The following PCDHA7 variants were observed in gnomAD, a reference collection of about 807,000 sequenced individuals.
The protein encoded by PCDHA7 is protocadherin alpha-7.
PCDHA7 carries 37 observed loss-of-function variants against 57.2 expected under a neutral mutation model. That is an observed-to-expected ratio of 0.65 (90% CI 0.50 to 0.85). The LOEUF is 0.85. Among genes scored for constraint, PCDHA7 ranks in the 40% least tolerant of loss-of-function variants. The pLI is 0.00. For missense variants in PCDHA7, 1,188 were observed against 1,241.8 expected (o/e 0.96, Z 0.65); for synonymous variants, 553 against 558.8 (o/e 0.99, Z 0.15).
intron 1 of PCDHA7, among the ~76,000 whole-genome samples, chr5:140,873,904 G>A (rs936002886): frequency 6.6e-6 from 1 of 152,074 alleles, no homozygotes; most frequent in African/African-American, 2.4e-5. Flanking sequence ...CAGGTGATCT[G>A]CCTGCCTCAG....
intron 1 of PCDHA7, among the ~76,000 whole-genome samples, chr5:140,919,522 C>CT (rs1554199133): frequency 6.6e-6 from 1 of 152,000 alleles, no homozygotes; most frequent in African/African-American, 2.4e-5. Context: ...TTTTAATTCT[C>CT]TTTTTTTCCT....
intron 1 of PCDHA7, chr5:140,864,013 A>T: frequency 6.5e-6 from 1 of 153,164 alleles, no homozygotes; most frequent in South Asian, 2.1e-4. Flanking sequence ...AAAAAAAAGT[A>T]CATTGGAAGT....
intron 3 of PCDHA7, among the ~76,000 whole-genome samples, chr5:140,997,598 TG>T (rs1182118908): frequency 6.6e-5 from 10 of 152,124 alleles, no homozygotes; most frequent in Admixed American, 2.0e-4. Context: ...AACATGATTA[TG>T]GGGCGCATGA....
At chr5:140,887,442 T>C (rs2061450115) in intron 1 of PCDHA7, among the ~76,000 whole-genome samples, 1 of 152,180 alleles carries the variant, frequency 6.6e-6, no homozygotes, top group Non-Finnish European at 1.5e-5. Context: ...CTGGGCATAG[T>C]TGACAGTTTT....
chr5:140,912,064 A>G (rs1388725837), intron 1 of PCDHA7, among the ~76,000 whole-genome samples: 10 of 152,216 alleles, frequency 6.6e-5, no homozygotes, highest in Non-Finnish European at 1.0e-4. Flanking sequence ...TTGGAGTCCA[A>G]TGTTCAAGGG....
At position 140,867,369 on chromosome 5, in the gene PCDHA7, G is replaced by A. The variant is rs554108396; in HGVS notation, c.2355+30631G>A. On this transcript the variant is annotated intron_variant, in intron 1 of 3. Coordinates refer to ENST00000525929, the MANE Select transcript of PCDHA7 (RefSeq NM_018910.3). ...CTATGATTGATTATTTTACAGATGC[G>A]TAATGGAATTAACGGTTATAAAAGT... is the stretch of plus-strand genomic sequence containing the variant. 21 of 152,194 alleles carry A rather than the reference G, an allele frequency of 1.4e-4. 1 individual carries two copies. Among genetic ancestry groups the A allele is most frequent in the South Asian group, 1.0e-3 (5 of 4,822 alleles). The allele number at this position is 152,194 out of a possible 1,614,324, so 9.4% of individuals were successfully genotyped here.
chr5:140,882,814 A>AGT, intron 1 of PCDHA7: 3 of 1,614,248 alleles, frequency 1.9e-6, no homozygotes, highest in Non-Finnish European at 2.5e-6. Context: ...CTTTGGACGC[A>AGT]CAAAACAGTC....
rs2067929537 is a variant in PCDHA7 at position 140,900,315 on chromosome 5, T to C, written c.2355+63577T>C. Among the ~76,000 whole-genome samples the C allele has an allele frequency of 2.0e-5, 3 of 152,186 alleles. No homozygotes were observed. The East Asian group carries it at 5.8e-4, about 29-fold the overall frequency. On this transcript the variant is annotated intron_variant, in intron 1 of 3. Transcript: ENST00000525929. ...GTTTTTTTAGACAGTCTCACTTTTG[T>C]CGCCCAGGCTGGAGTACCGTGGCGC...
At chr5:140,905,766 A>G (rs782122019) in intron 1 of PCDHA7, among the ~76,000 whole-genome samples, 15 of 152,144 alleles carry the variant, frequency 9.9e-5, no homozygotes, top group African/African-American at 2.7e-4. Flanking sequence ...GGTTAAGTAT[A>G]TTCCGAAGTG....
At chr5:140,992,318 C>G (rs2097504992) in intron 3 of PCDHA7, among the ~76,000 whole-genome samples, 1 of 152,128 alleles carries the variant, frequency 6.6e-6, no homozygotes, top group African/African-American at 2.4e-5. Flanking sequence ...TGGGCATTCC[C>G]TTTTCTAAGA....
chr5:140,863,406 G>T, intron 1 of PCDHA7: 1 of 800,564 alleles, frequency 1.2e-6, no homozygotes, highest in South Asian at 1.3e-5. Flanking sequence ...GCAAGCCCAC[G>T]CTGGTGTACC....
At chr5:140,867,294 T>C (rs987236296) in intron 1 of PCDHA7, 3 of 152,152 alleles carry the variant, frequency 2.0e-5, no homozygotes, top group African/African-American at 7.2e-5. Flanking sequence ...TCAAATATCA[T>C]GTTGAATATA....
chr5:140,964,952 T>C (rs868971882), intron 1 of PCDHA7, among the ~76,000 whole-genome samples: 1 of 152,190 alleles, frequency 6.6e-6, no homozygotes, highest in South Asian at 2.1e-4. Flanking sequence ...TGAGTGTGCT[T>C]GGTTGGTGGA....
At chr5:140,937,386 G>T (rs1450799946) in intron 1 of PCDHA7, among the ~76,000 whole-genome samples, 2 of 152,092 alleles carry the variant, frequency 1.3e-5, no homozygotes, top group African/African-American at 4.8e-5. Context: ...GTGTGTATGT[G>T]TATATAGGGG....
intron 1 of PCDHA7, among the ~76,000 whole-genome samples, chr5:140,959,091 G>A (rs1257984257): frequency 3.3e-5 from 5 of 152,048 alleles, no homozygotes; most frequent in African/African-American, 1.2e-4. Context: ...CTTGGTTTCG[G>A]ACATTCAGCA....
At position 140,928,057 on chromosome 5, in the gene PCDHA7, G is replaced by T. The variant is rs150006101; in HGVS notation, c.2356-50892G>T. 1.4e-4 allele frequency: 234 copies of T among 1,614,060 alleles called. No individual in the cohort carries two copies. Among genetic ancestry groups the T allele is most frequent in the Non-Finnish European group, 1.9e-4 (219 of 1,180,052 alleles). On this transcript the variant is annotated intron_variant, in intron 1 of 3. Transcript: ENST00000525929. ...TAGTGCAGGCCCTTTTCAGCTGACG[G>T]CTTCCTTTGACAACTACTACAGCCT...
intron 1 of PCDHA7, among the ~76,000 whole-genome samples, chr5:140,897,340 C>A (rs1326802877): frequency 8.1e-6 from 1 of 122,842 alleles, no homozygotes; most frequent in African/African-American, 3.1e-5. Context: ...CCCCTCCCCC[C>A]ACCCCACAAC....
At chr5:140,858,581 T>C in intron 1 of PCDHA7, 1 of 1,350,098 alleles carries the variant, frequency 7.4e-7, no homozygotes, top group South Asian at 1.4e-5. Context: ...CTTTGTAATA[T>C]AATTTATTCC....
chr5:140,843,857 A>C, intron 1 of PCDHA7: 1 of 940,372 alleles, frequency 1.1e-6, no homozygotes, highest in Non-Finnish European at 1.6e-6. Context: ...TTTTATAATT[A>C]ATTGAATTTT....
Sources: allele counts gnomAD v4.1 joint callset (sites outside exome capture counted in the v4.1 genomes callset), GRCh38; gene constraint gnomAD v4.1.1; transcripts MANE v1.5; gene names NCBI Gene and HGNC (gene_info 2026-07-23, HGNC 2026-07-21).